ZPBP: variants seen among roughly 807,000 people sequenced by gnomAD.
ZPBP encodes zona pellucida binding protein.
Under a neutral mutation model 44.8 loss-of-function variants are expected in ZPBP, and 26 were observed. The ratio of observed to expected loss-of-function variants is 0.58; its 90% CI spans 0.43 to 0.81. ZPBP has a LOEUF of 0.81. Ranked by LOEUF, ZPBP falls within the 30% of genes least tolerant of loss-of-function variation. The pLI, the probability that ZPBP is intolerant of heterozygous loss-of-function variation, is 0.00. For missense variants in ZPBP, 409 were observed against 434.0 expected (o/e 0.94, Z 0.51); for synonymous variants, 174 against 153.2 (o/e 1.14, Z -1.00).
chr7:50,026,845 C>T (rs188463701), intron 5 of ZPBP, among the ~76,000 whole-genome samples: 22 of 152,096 alleles, frequency 1.4e-4, no homozygotes, highest in Admixed American at 9.8e-4. Flanking sequence ...AAAATTCTGA[C>T]TGGATAGAGA....
chr7:50,033,469 T>C (rs1562859773), intron 4 of ZPBP, among the ~76,000 whole-genome samples: 1 of 152,188 alleles, frequency 6.6e-6, no homozygotes, highest in Admixed American at 6.5e-5. Flanking sequence ...TAAAAAAATA[T>C]CAGTTTCTGA....
intron 1 of ZPBP, among the ~76,000 whole-genome samples, chr7:50,091,886 G>T (rs927888031): frequency 6.6e-6 from 1 of 152,146 alleles, no homozygotes; most frequent in East Asian, 1.9e-4. Flanking sequence ...CAGAGGACTT[G>T]AGTTTAAATC....
At chr7:49,969,852 A>G (rs2365789) in intron 7 of ZPBP, among the ~76,000 whole-genome samples, 3 of 124,478 alleles carry the variant, frequency 2.4e-5, no homozygotes, top group African/African-American at 2.7e-5. Context: ...GAGAAAGAGA[A>G]AGAGAGAGAG....
intron 2 of ZPBP, among the ~76,000 whole-genome samples, chr7:50,082,118 T>C (rs1802393778): frequency 6.6e-6 from 1 of 151,938 alleles, no homozygotes; most frequent in African/African-American, 2.4e-5. Context: ...TGTATGTGTG[T>C]GTACATGTAT....
chr7:50,050,788 C>CAAAAAA (rs751875216), intron 4 of ZPBP, among the ~76,000 whole-genome samples: 1 of 26,846 alleles, frequency 3.7e-5, no homozygotes, highest in Non-Finnish European at 6.8e-5. Context: ...GACTCCGTCT[C>CAAAAAA]AAAAAAAAAA....
At chr7:49,984,308 T>C (rs1283193400) in intron 6 of ZPBP, among the ~76,000 whole-genome samples, 1 of 152,204 alleles carries the variant, frequency 6.6e-6, no homozygotes, top group Admixed American at 6.5e-5. Context: ...TTCTATAATG[T>C]CCAGGTTCTC....
intron 2 of ZPBP, among the ~76,000 whole-genome samples, chr7:49,877,123 G>T (rs1791443382): frequency 6.6e-6 from 1 of 151,970 alleles, no homozygotes. Flanking sequence ...AAATACATTG[G>T]AAGACACGTA....
At chr7:50,081,750 A>G in intron 3 of ZPBP, 24 bp downstream of exon 3, 2 of 1,608,890 alleles carry the variant, frequency 1.2e-6, no homozygotes, top group Non-Finnish European at 1.7e-6. Flanking sequence ...TTATTTAATT[A>G]CAATAATTGA....
chr7:50,076,070 T>C (rs1394686798), intron 3 of ZPBP, among the ~76,000 whole-genome samples: 2 of 151,950 alleles, frequency 1.3e-5, no homozygotes, highest in African/African-American at 2.4e-5. Context: ...CAAGTGGGAC[T>C]TATTCCTGTG....
At chr7:49,978,434 T>C (rs1161909926) in intron 7 of ZPBP, among the ~76,000 whole-genome samples, 1 of 151,984 alleles carries the variant, frequency 6.6e-6, no homozygotes, top group Non-Finnish European at 1.5e-5. Flanking sequence ...AGAAAAATAA[T>C]ATAGGTGGAA....
rs1451019517 is a variant in ZPBP, at chr7:50,005,825, G to A, written c.783+12415C>T. Reference sequence around the variant, plus strand: ...TGAGTTAAACTTCATAACTATATATGTGTGTGTGTGTGTGTGTGTGTGTGT... The same window carrying A: ...TGAGTTAAACTTCATAACTATATATATGTGTGTGTGTGTGTGTGTGTGTGT... On this transcript the variant is annotated intron_variant, in intron 6 of 7. Coordinates refer to ENST00000046087, the MANE Select transcript of ZPBP (RefSeq NM_007009.3). 3.7e-4 allele frequency among the ~76,000 whole-genome samples: 7 copies of A among 18,862 alleles called. No individual in the cohort carries two copies. In the South Asian group the frequency reaches 6.4e-3, roughly 17 times the overall value. The allele number at this position is 18,862 out of a possible 152,430, so 12.4% of individuals were successfully genotyped here.
intron 4 of ZPBP, among the ~76,000 whole-genome samples, chr7:50,054,542 A>G (rs936767284): frequency 6.6e-6 from 1 of 152,244 alleles, no homozygotes; most frequent in South Asian, 2.1e-4. Context: ...TGCCATATTC[A>G]AAACCGATAA....
At chr7:49,868,889 G>T (rs1376249705) in intron 2 of ZPBP, among the ~76,000 whole-genome samples, 2 of 152,216 alleles carry the variant, frequency 1.3e-5, no homozygotes, top group Non-Finnish European at 2.9e-5. Flanking sequence ...AAAGTGCTGG[G>T]ATTACGGGCA....
At chr7:50,089,772 T>TA in intron 1 of ZPBP, 63 bp from the exon 2 acceptor site, 1 of 1,281,200 alleles carries the variant, frequency 7.8e-7, no homozygotes, top group Non-Finnish European at 1.1e-6. Context: ...AAATATACTA[T>TA]TACAGTATCT....
intron 6 of ZPBP, among the ~76,000 whole-genome samples, chr7:50,001,995 G>A (rs1798121101): frequency 6.6e-6 from 1 of 152,092 alleles, no homozygotes; most frequent in South Asian, 2.1e-4. Flanking sequence ...AAATAGCTGG[G>A]ACTACAAGCA....
chr7:50,066,033 G>A (rs1236336996), intron 3 of ZPBP, among the ~76,000 whole-genome samples: 1 of 151,130 alleles, frequency 6.6e-6, no homozygotes, highest in African/African-American at 2.4e-5. Flanking sequence ...TTGGAGCTGT[G>A]TTAGCGTATT....
intron 2 of ZPBP, among the ~76,000 whole-genome samples, chr7:50,086,197 A>G (rs1001322530): frequency 1.3e-5 from 2 of 152,140 alleles, no homozygotes; most frequent in African/African-American, 4.8e-5. Context: ...AATACACGAT[A>G]TCAGCAAACA....
At chr7:49,940,166 T>A (rs1794810986) in intron 7 of ZPBP, among the ~76,000 whole-genome samples, 1 of 152,190 alleles carries the variant, frequency 6.6e-6, no homozygotes, top group Non-Finnish European at 1.5e-5. Flanking sequence ...CACCTTCAGT[T>A]ATACCAAAGG....
chr7:50,011,773 C>CA (rs71018445), intron 6 of ZPBP, among the ~76,000 whole-genome samples: 76,202 of 151,878 alleles, frequency 0.5, 19,824 homozygotes, highest in East Asian at 0.67. Flanking sequence ...AAGAAGGGGC[C>CA]AGGTGTGGTG....
Sources: allele counts gnomAD v4.1 joint callset (sites outside exome capture counted in the v4.1 genomes callset), GRCh38; gene constraint gnomAD v4.1.1; transcripts MANE v1.5; gene names NCBI Gene and HGNC (gene_info 2026-07-23, HGNC 2026-07-21).